FAM178B: variants seen among roughly 807,000 people sequenced by gnomAD.
The protein encoded by FAM178B is family with sequence similarity 178 member B.
In FAM178B, 82 loss-of-function variants were observed where a neutral mutation model predicts 91.7. The ratio of observed to expected loss-of-function variants is 0.89; its 90% CI spans 0.75 to 1.07. The LOEUF (loss-of-function observed/expected upper bound fraction) is 1.07, where lower values mean the gene tolerates loss of function less well. Among genes scored for constraint, FAM178B ranks in the 50% least tolerant of loss-of-function variants. The pLI is 0.00. For synonymous variants in FAM178B, 368 were observed against 359.4 expected (o/e 1.02, Z -0.27); for missense variants, 769 against 846.7 (o/e 0.91, Z 1.14).
rs147426783 is a variant in FAM178B at position 96,882,719 on chromosome 2, C to T, written c.1777-4226G>A. Reference sequence around the variant, plus strand: ...CCAGGTCTCTTAGAACTGCTTGGTGCGGTGGGGATGTCATTGTGGCCTCAG... The same window carrying T: ...CCAGGTCTCTTAGAACTGCTTGGTGTGGTGGGGATGTCATTGTGGCCTCAG... On this transcript the variant is annotated intron_variant, in intron 14 of 16. Transcript: ENST00000490605. Among the ~76,000 whole-genome samples the T allele has an allele frequency of 3.4e-3, 513 of 152,278 alleles. 1 individual carries two copies. Among genetic ancestry groups the T allele is most frequent in the Admixed American group, 5.2e-3 (80 of 15,298 alleles).
Position 96,970,513 on chromosome 2 carries a change from C to T in FAM178B, c.626+203G>A, listed in dbSNP as rs548515471. Among the ~76,000 whole-genome samples the T allele has an allele frequency of 5.3e-5, 8 of 152,248 alleles. No individual in the cohort carries two copies. In the East Asian group the frequency reaches 5.8e-4, roughly 11 times the overall value. On this transcript the variant is annotated intron_variant, in intron 4 of 16. Coordinates refer to ENST00000490605, the MANE Select transcript of FAM178B (RefSeq NM_001122646.3). ...GGGGACCCAGAAGGAGGGCTCTGTT[C>T]GTGGTGGGAGTCTGGGGGCTCTCTG...
chr2:96,943,569 T>C (rs2081770175), intron 8 of FAM178B, among the ~76,000 whole-genome samples: 1 of 152,212 alleles, frequency 6.6e-6, no homozygotes, highest in Non-Finnish European at 1.5e-5. Context: ...TACTAAAAAC[T>C]ACTGAATCTT....
intron 12 of FAM178B, among the ~76,000 whole-genome samples, chr2:96,919,451 G>A (rs955410556): frequency 1.3e-5 from 2 of 152,212 alleles, no homozygotes; most frequent in East Asian, 1.9e-4. Context: ...CAGGTGAGCC[G>A]GTGAGATGAA....
intron 14 of FAM178B, among the ~76,000 whole-genome samples, chr2:96,890,350 G>C (rs528197170): frequency 2.8e-4 from 43 of 152,290 alleles, no homozygotes; most frequent in African/African-American, 9.1e-4. Context: ...GCCTGTCCCA[G>C]CTACTTGGGA....
intron 12 of FAM178B, among the ~76,000 whole-genome samples, chr2:96,903,355 C>A (rs927511879): frequency 6.6e-6 from 1 of 152,230 alleles, no homozygotes; most frequent in Non-Finnish European, 1.5e-5. Context: ...CTTTTCAATA[C>A]GCCTCTGCCT....
chr2:96,977,918 T>A (rs773384063), intron 1 of FAM178B: 24 of 425,138 alleles, frequency 5.6e-5, no homozygotes, highest in South Asian at 1.9e-4. Flanking sequence ...TTTCTGCAAG[T>A]TCAGCAGTTC....
chr2:96,957,760 CATCT>C (rs1321311386), intron 6 of FAM178B, among the ~76,000 whole-genome samples: 5 of 152,142 alleles, frequency 3.3e-5, no homozygotes, highest in Non-Finnish European at 7.3e-5. Flanking sequence ...TTCTTTTCAC[CATCT>C]ATCTATTTAT....
At chr2:96,948,162 T>C (rs550956978) in intron 7 of FAM178B, among the ~76,000 whole-genome samples, 54 of 152,326 alleles carry the variant, frequency 3.5e-4, no homozygotes, top group African/African-American at 1.1e-3. Flanking sequence ...TCTGTGCCAC[T>C]TGAAACCTCC....
chr2:96,915,556 G>A (rs1327479392), intron 12 of FAM178B, among the ~76,000 whole-genome samples: 4 of 151,710 alleles, frequency 2.6e-5, no homozygotes, highest in African/African-American at 9.7e-5. Flanking sequence ...GGTGGCTCAC[G>A]CCTATAATCC....
chr2:96,907,982 A>T (rs954337711), intron 12 of FAM178B, among the ~76,000 whole-genome samples: 4 of 152,236 alleles, frequency 2.6e-5, no homozygotes, highest in Admixed American at 2.0e-4. Flanking sequence ...GCTGCCTGAC[A>T]TGCTGCCTCA....
intron 8 of FAM178B, among the ~76,000 whole-genome samples, chr2:96,929,798 C>T (rs2081509573): frequency 6.6e-6 from 1 of 152,244 alleles, no homozygotes; most frequent in South Asian, 2.1e-4. Flanking sequence ...ATCCCTAGTC[C>T]ACCATCCCTG....
chr2:96,916,468 A>G (rs1391096623), intron 12 of FAM178B, among the ~76,000 whole-genome samples: 1 of 152,204 alleles, frequency 6.6e-6, no homozygotes, highest in Non-Finnish European at 1.5e-5. Context: ...AGGATGTTTA[A>G]TGAATAGCCG....
chr2:96,950,131 A>G, intron 7 of FAM178B: 1 of 985,096 alleles, frequency 1.0e-6, no homozygotes, highest in Non-Finnish European at 1.2e-6. Flanking sequence ...CCGGGAAGGC[A>G]CTCCACGCCA....
rs1348469998 is a variant in FAM178B, at chr2:96,926,065, A to T, written c.1194-2482T>A. Among the ~76,000 whole-genome samples the T allele has an allele frequency of 3.3e-5, 5 of 152,290 alleles. No homozygotes were observed. In the East Asian group the frequency reaches 5.8e-4, roughly 18 times the overall value. ...ATGCCTGTAATTCCAGCACTTTGGG[A>T]GGCTGAGGTGAGTGGATCACCTGAG... On this transcript the variant is annotated intron_variant, in intron 9 of 16. Transcript: ENST00000490605.
At chr2:96,966,254 G>A (rs1332258944) in intron 5 of FAM178B, among the ~76,000 whole-genome samples, 3 of 151,994 alleles carry the variant, frequency 2.0e-5, no homozygotes, top group African/African-American at 2.4e-5. Context: ...CTGCTCACAA[G>A]GCCTTCCCTG....
chr2:96,879,685 T>G (rs2080332248), intron 14 of FAM178B, among the ~76,000 whole-genome samples: 1 of 152,214 alleles, frequency 6.6e-6, no homozygotes, highest in Non-Finnish European at 1.5e-5. Context: ...GTGGTCTGAC[T>G]CCACAGGCTG....
chr2:96,943,203 C>G (rs2081763579), intron 8 of FAM178B, among the ~76,000 whole-genome samples: 1 of 152,032 alleles, frequency 6.6e-6, no homozygotes, highest in Non-Finnish European at 1.5e-5. Context: ...CAAAGAAAAC[C>G]CACAAAATGA....
At chr2:96,960,157 C>T (rs890480678) in intron 6 of FAM178B, 131 bp downstream of exon 6, 2 of 921,762 alleles carry the variant, frequency 2.2e-6, no homozygotes, top group African/African-American at 3.4e-5. Context: ...TCTCTAAAAA[C>T]TGACACATTC....
intron 12 of FAM178B, among the ~76,000 whole-genome samples, chr2:96,905,933 G>A (rs574132345): frequency 1.1e-3 from 149 of 132,950 alleles, no homozygotes; most frequent in African/African-American, 4.0e-3. Context: ...ATGCAATGGT[G>A]CGATATCGGC....
Sources: allele counts gnomAD v4.1 joint callset (sites outside exome capture counted in the v4.1 genomes callset), GRCh38; gene constraint gnomAD v4.1.1; transcripts MANE v1.5; gene names NCBI Gene and HGNC (gene_info 2026-07-23, HGNC 2026-07-21).